Variants in KCNMA1 observed in about 807,000 individuals in gnomAD.
KCNMA1 encodes potassium calcium-activated channel subfamily M alpha 1.
In KCNMA1, 29 loss-of-function variants were observed where a neutral mutation model predicts 140.0. That is an observed-to-expected ratio of 0.21 (90% CI 0.15 to 0.28). KCNMA1 has a LOEUF of 0.28. KCNMA1 is among the 10% of genes least tolerant of loss of function. The pLI, the probability that KCNMA1 is intolerant of heterozygous loss-of-function variation, is 1.00. For synonymous variants in KCNMA1, 612 were observed against 611.9 expected, an observed-to-expected ratio of 1.00 and a Z score of 0.00; for missense variants, 880 against 1,602.2, an observed-to-expected ratio of 0.55 and a Z score of 7.70.
At chr10:77,322,439 A>C (rs1280047280) in intron 2 of KCNMA1, among the ~76,000 whole-genome samples, 1 of 152,234 alleles carries the variant, frequency 6.6e-6, no homozygotes, top group Non-Finnish European at 1.5e-5. Flanking sequence ...GATACAGAAC[A>C]CTGAGCAACT....
chr10:76,982,420 CA>C (rs1307239055), intron 19 of KCNMA1, among the ~76,000 whole-genome samples: 2 of 151,760 alleles, frequency 1.3e-5, no homozygotes, highest in African/African-American at 2.4e-5. Flanking sequence ...AGATGGAGCA[CA>C]GGGCCTGGCA....
intron 5 of KCNMA1, among the ~76,000 whole-genome samples, chr10:77,163,254 A>C (rs552922685): frequency 6.6e-6 from 1 of 152,320 alleles, no homozygotes; most frequent in Admixed American, 6.5e-5. Flanking sequence ...TATGAAATTC[A>C]AATTTCAGTG....
At chr10:77,631,410 C>T (rs1001817808) in intron 1 of KCNMA1, among the ~76,000 whole-genome samples, 1 of 152,326 alleles carries the variant, frequency 6.6e-6, no homozygotes, top group East Asian at 1.9e-4. Context: ...GTTCCCCACA[C>T]GGCCCAGGGC....
chr10:77,274,276 A>G (rs1479123054), intron 2 of KCNMA1, among the ~76,000 whole-genome samples: 1 of 152,146 alleles, frequency 6.6e-6, no homozygotes, highest in Non-Finnish European at 1.5e-5. Flanking sequence ...ACACATGACT[A>G]AAATGCAAGA....
rs183611425 is a variant in KCNMA1, at chr10:77,168,542, G to A, written c.808+14879C>T. On this transcript the variant is annotated intron_variant, in intron 5 of 27. Coordinates refer to ENST00000286628, the MANE Select transcript of KCNMA1 (RefSeq NM_001161352.2). ...CAACTGTAACACAATGGTAAGTTTT[G>A]TGCATCTAAACATATAAAAGATACA... Among the ~76,000 whole-genome samples, 9 of 152,258 alleles carry A rather than the reference G, an allele frequency of 5.9e-5. No homozygotes were observed. In the East Asian group the frequency reaches 1.7e-3, roughly 29 times the overall value.
At chr10:76,953,754 G>A (rs1333321866) in intron 21 of KCNMA1, 47 bp downstream of exon 21, 1 of 1,613,542 alleles carries the variant, frequency 6.2e-7, no homozygotes. Flanking sequence ...AGCAAATGTG[G>A]TTTGGGGCAG....
intron 5 of KCNMA1, among the ~76,000 whole-genome samples, chr10:77,166,296 C>T (rs1015494667): frequency 2.0e-5 from 3 of 152,120 alleles, no homozygotes; most frequent in African/African-American, 4.8e-5. Flanking sequence ...TAGTATTTTA[C>T]GTTTGCTAAA....
At chr10:77,420,025 G>A (rs2096833794) in intron 1 of KCNMA1, among the ~76,000 whole-genome samples, 1 of 152,100 alleles carries the variant, frequency 6.6e-6, no homozygotes, top group Non-Finnish European at 1.5e-5. Context: ...GTCATAGAGA[G>A]GGGAATGTGA....
chr10:77,095,977 A>G (rs768743838), intron 9 of KCNMA1, among the ~76,000 whole-genome samples: 30 of 152,244 alleles, frequency 2.0e-4, no homozygotes, highest in Non-Finnish European at 4.3e-4. Flanking sequence ...ACTGGTTGTT[A>G]GAGCCAGTAG....
chr10:77,541,219 A>G (rs949663220), intron 1 of KCNMA1, among the ~76,000 whole-genome samples: 2 of 152,178 alleles, frequency 1.3e-5, no homozygotes, highest in African/African-American at 4.8e-5. Context: ...CGTACCTATT[A>G]AAAGACAGAG....
At chr10:77,277,727 T>C (rs1469158457) in intron 2 of KCNMA1, among the ~76,000 whole-genome samples, 1 of 152,322 alleles carries the variant, frequency 6.6e-6, no homozygotes, top group African/African-American at 2.4e-5. Context: ...CCAACCTGGA[T>C]GCAAAGTGTC....
chr10:77,163,691 G>T (rs2098598469), intron 5 of KCNMA1, among the ~76,000 whole-genome samples: 1 of 152,162 alleles, frequency 6.6e-6, no homozygotes, highest in Non-Finnish European at 1.5e-5. Flanking sequence ...TGGTACATGG[G>T]GTAAGCTTCC....
In KCNMA1 at chr10:77,108,176, C is replaced by T; in HGVS notation, c.1223+305G>A. On this transcript the variant is annotated intron_variant, in intron 9 of 27. Coordinates refer to ENST00000286628, the MANE Select transcript of KCNMA1 (RefSeq NM_001161352.2). The surrounding 1 kb of genome is among the most constrained non-coding windows in gnomAD (Gnocchi z 4.6). ...ACACCCCATGCAGAAACTGGGCCTT[C>T]CCTCACAGAAGCACCCGGTGGGGTT... The T allele has an allele frequency of 5.7e-6, 5 of 873,816 alleles. No individual in the cohort carries two copies. Among genetic ancestry groups the T allele is most frequent in the Non-Finnish European group, 8.5e-6 (5 of 588,624 alleles). 54.1% of individuals were successfully genotyped at this position (873,816 alleles called of 1,614,324 possible). A position where few individuals can be genotyped will look rare whatever the true frequency, so the allele number is the denominator to read the frequency against.
intron 2 of KCNMA1, among the ~76,000 whole-genome samples, chr10:77,344,212 G>T (rs2091651108): frequency 6.6e-6 from 1 of 152,236 alleles, no homozygotes; most frequent in Non-Finnish European, 1.5e-5. Context: ...GACACTAATG[G>T]AGACAGCAGA....
rs575769563 is a variant in KCNMA1 at position 77,018,945 on chromosome 10, C to A, written c.2015+68G>T. On this transcript the variant is annotated intron_variant, in intron 17 of 27. Transcript: ENST00000286628. ...GGAGTTTTGGGGTTATGGAAGCCTG[C>A]CTACTTCCGTGGGTCAAGGTGTCTA... The A allele has an allele frequency of 1.1e-5, 10 of 872,312 alleles. No individual in the cohort carries two copies. The African/African-American group carries it at 1.3e-4, about 11-fold the overall frequency. 54.0% of individuals were successfully genotyped at this position (872,312 alleles called of 1,614,324 possible).
chr10:77,520,175 G>GTGTGCAGTGTGAGGT (rs1567298332), intron 1 of KCNMA1, among the ~76,000 whole-genome samples: 1 of 3,520 alleles, frequency 2.8e-4, no homozygotes, highest in African/African-American at 1.1e-3. Context: ...CAGTGTGAGG[G>GTGTGCAGTGTGAGGT]CTGGGGTATG....
intron 1 of KCNMA1, among the ~76,000 whole-genome samples, chr10:77,621,543 C>CAT (rs1361815998): frequency 6.6e-6 from 1 of 152,084 alleles, no homozygotes; most frequent in African/African-American, 2.4e-5. Context: ...CACACACACA[C>CAT]ACACCCCTCT....
At chr10:77,591,724 T>C (rs1567744415) in intron 1 of KCNMA1, among the ~76,000 whole-genome samples, 1 of 152,232 alleles carries the variant, frequency 6.6e-6, no homozygotes, top group East Asian at 1.9e-4. Context: ...GGGAATGTGG[T>C]TGCATTTCAG....
chr10:77,397,683 G>A (rs2096107459), intron 2 of KCNMA1, among the ~76,000 whole-genome samples: 1 of 152,138 alleles, frequency 6.6e-6, no homozygotes, highest in Non-Finnish European at 1.5e-5. Context: ...TTGCACAGTG[G>A]TGAAGTCTGG....
Sources: gnomAD v4.1 joint callset for allele counts (sites outside exome capture counted in the v4.1 genomes callset) on GRCh38, gnomAD v4.1.1 for gene constraint, Gnocchi (gnomAD v3.1) non-coding constraint, MANE v1.5 for transcripts, NCBI Gene and HGNC (gene_info 2026-07-23, HGNC 2026-07-21) for gene names.